Variants in TANC2 observed in about 807,000 individuals in gnomAD.
The protein encoded by TANC2 is protein TANC2.
Under a neutral mutation model 210.5 loss-of-function variants are expected in TANC2, and 26 were observed. The observed-to-expected ratio is 0.12, with a 90% CI of 0.09 to 0.17. The LOEUF (loss-of-function observed/expected upper bound fraction) is 0.17, where lower values mean the gene tolerates loss of function less well. Among genes scored for constraint, TANC2 ranks in the 10% least tolerant of loss-of-function variants. TANC2 has a pLI of 1.00. For synonymous variants in TANC2, 931 were observed against 967.1 expected (o/e 0.96, Z 0.69); for missense variants, 2,129 against 2,608.9 (o/e 0.82, Z 4.01).
At chr17:63,170,964 C>G (rs2040383678) in intron 5 of TANC2, among the ~76,000 whole-genome samples, 1 of 152,068 alleles carries the variant, frequency 6.6e-6, no homozygotes, top group Admixed American at 6.6e-5. Context: ...CTTTCTGCTT[C>G]TGATCTCCAT....
At chr17:63,332,801 G>C (rs1426034930) in intron 11 of TANC2, among the ~76,000 whole-genome samples, 1 of 152,170 alleles carries the variant, frequency 6.6e-6, no homozygotes, top group Non-Finnish European at 1.5e-5. Context: ...GTGACTTTCA[G>C]TTAAAGCCAA....
chr17:63,066,103 G>A (rs1345666609), intron 2 of TANC2, among the ~76,000 whole-genome samples: 1 of 152,118 alleles, frequency 6.6e-6, no homozygotes, highest in East Asian at 1.9e-4. Context: ...CTATTGGGAT[G>A]GGCCTGGACC....
chr17:63,347,644 A>T (rs1204726380), intron 12 of TANC2, among the ~76,000 whole-genome samples: 1 of 152,212 alleles, frequency 6.6e-6, no homozygotes, highest in Non-Finnish European at 1.5e-5. Flanking sequence ...AAAGTTCCAC[A>T]AGTACAGTGA....
chr17:63,030,968 G>A (rs552943104), intron 2 of TANC2, among the ~76,000 whole-genome samples: 1 of 152,192 alleles, frequency 6.6e-6, no homozygotes, highest in South Asian at 2.1e-4. Flanking sequence ...GAAGTTTGCA[G>A]AAATGAGGAG....
Position 63,163,984 on chromosome 17 carries a change from T to G in TANC2, c.433+12604T>G, listed in dbSNP as rs2040118100. On this transcript the variant is annotated intron_variant, in intron 5 of 27. Transcript: ENST00000689528. The stretch of plus-strand genomic sequence containing the variant: ...AGGAATAATGTTATACTTTGAAAAT[T>G]TTTTAAATAGTAGTAGTAGGGAAAG... Among the ~76,000 whole-genome samples the G allele has an allele frequency of 1.3e-5, 2 of 152,164 alleles. 1 individual carries two copies. The highest frequency in any genetic ancestry group is 4.2e-4 in the South Asian group (2 of 4,818).
At chr17:63,121,858 T>C (rs963748508) in intron 4 of TANC2, among the ~76,000 whole-genome samples, 1 of 151,958 alleles carries the variant, frequency 6.6e-6, no homozygotes, top group Non-Finnish European at 1.5e-5. Flanking sequence ...TCCCAGCTAC[T>C]TGGGAGGCTG....
At chr17:63,020,230 T>A (rs1004195786) in intron 2 of TANC2, among the ~76,000 whole-genome samples, 3 of 152,236 alleles carry the variant, frequency 2.0e-5, no homozygotes, top group African/African-American at 4.8e-5. Flanking sequence ...ATAGTTTGTA[T>A]TTTTAATCCT....
chr17:63,028,832 T>G (rs904578628), intron 2 of TANC2, among the ~76,000 whole-genome samples: 1 of 152,044 alleles, frequency 6.6e-6, no homozygotes, highest in Non-Finnish European at 1.5e-5. Context: ...ATAAAACTAC[T>G]TCATATGTTC....
chr17:63,269,482 T>A (rs2043631710), intron 9 of TANC2, among the ~76,000 whole-genome samples: 1 of 152,170 alleles, frequency 6.6e-6, no homozygotes, highest in Admixed American at 6.6e-5. Flanking sequence ...CCTTCAGATT[T>A]GATTGAAAAT....
chr17:62,985,368 CTGTT>C (rs1184436041), intron 1 of TANC2, among the ~76,000 whole-genome samples: 2 of 152,104 alleles, frequency 1.3e-5, no homozygotes, highest in Non-Finnish European at 2.9e-5. Context: ...CGGCTTGAAT[CTGTT>C]TGTGGTTCTT....
chr17:63,228,270 A>G (rs909652838), intron 7 of TANC2, among the ~76,000 whole-genome samples: 7 of 152,044 alleles, frequency 4.6e-5, no homozygotes, highest in Non-Finnish European at 1.0e-4. Flanking sequence ...TGAGATCTCT[A>G]TTCTGTTCCA....
At chr17:63,236,255 T>TA (rs2042616633) in intron 7 of TANC2, among the ~76,000 whole-genome samples, 2 of 152,080 alleles carry the variant, frequency 1.3e-5, no homozygotes, top group Non-Finnish European at 2.9e-5. Context: ...ATTTTACCAC[T>TA]AATAGACCTG....
intron 4 of TANC2, among the ~76,000 whole-genome samples, chr17:63,137,986 G>C (rs1213947751): frequency 6.6e-6 from 1 of 152,038 alleles, no homozygotes; most frequent in Non-Finnish European, 1.5e-5. Flanking sequence ...TTTTTCCTGG[G>C]CATATGGGTA....
chr17:63,214,954 C>T (rs2041984961), intron 7 of TANC2, among the ~76,000 whole-genome samples: 1 of 152,152 alleles, frequency 6.6e-6, no homozygotes, highest in East Asian at 1.9e-4. Context: ...CAGTTGTAAC[C>T]TCCCAAAAAG....
chr17:63,407,279 C>G (rs562857805), intron 21 of TANC2, among the ~76,000 whole-genome samples: 5 of 152,130 alleles, frequency 3.3e-5, no homozygotes, highest in Non-Finnish European at 5.9e-5. Flanking sequence ...CTTGCCTTCC[C>G]CATATAAGCT....
In TANC2 at chr17:63,391,956, A is replaced by G. The variant is rs184200529; in HGVS notation, c.3051+2412A>G. Among the ~76,000 whole-genome samples, 1,475 of 152,170 alleles carry G rather than the reference A, an allele frequency of 9.7e-3. 9 individuals carry two copies. The highest frequency in any genetic ancestry group is 0.014 in the Non-Finnish European group (951 of 68,002). The stretch of plus-strand genomic sequence containing the variant: ...TGGCCAGGCTGGTCTTGAACTCCTG[A>G]CCTCAGGTGATCCACCCACCTTGGC... On this transcript the variant is annotated intron_variant, in intron 17 of 27. Transcript: ENST00000689528.
intron 9 of TANC2, among the ~76,000 whole-genome samples, chr17:63,306,110 G>A (rs1195806345): frequency 6.6e-6 from 1 of 152,208 alleles, no homozygotes; most frequent in Non-Finnish European, 1.5e-5. Flanking sequence ...CGGAGTGACT[G>A]AGGCAGGAAG....
intron 9 of TANC2, among the ~76,000 whole-genome samples, chr17:63,292,375 T>G (rs2044408763): frequency 6.6e-6 from 1 of 152,184 alleles, no homozygotes; most frequent in African/African-American, 2.4e-5. Context: ...GGAGGCTATT[T>G]CAAAAAGTGG....
chr17:63,015,238 G>T (rs188190360), intron 2 of TANC2, among the ~76,000 whole-genome samples: 1 of 151,756 alleles, frequency 6.6e-6, no homozygotes, highest in Non-Finnish European at 1.5e-5. Flanking sequence ...TTAAATAGCT[G>T]ATCTGAATTT....
Sources: gnomAD v4.1 joint callset for allele counts (sites outside exome capture counted in the v4.1 genomes callset) on GRCh38, gnomAD v4.1.1 for gene constraint, MANE v1.5 for transcripts, NCBI Gene and HGNC (gene_info 2026-07-23, HGNC 2026-07-21) for gene names.